Variants in SCFD2 observed in about 807,000 individuals in gnomAD.
The protein encoded by SCFD2 is sec1 family domain-containing protein 2.
A neutral mutation model predicts 58.9 loss-of-function variants in SCFD2; 54 were observed. The ratio of observed to expected loss-of-function variants is 0.92; its 90% confidence interval spans 0.74 to 1.15. The LOEUF (loss-of-function observed/expected upper bound fraction) is 1.15. Ranked by LOEUF, SCFD2 falls within the 50% of genes most tolerant of loss-of-function variation. The pLI is 0.00. For synonymous variants in SCFD2, 321 were observed against 335.9 expected, an observed-to-expected ratio of 0.96 and a Z score of 0.49; for missense variants, 805 against 836.6, an observed-to-expected ratio of 0.96 and a Z score of 0.47.
intron 7 of SCFD2, among the ~76,000 whole-genome samples, chr4:52,886,886 C>A (rs1476235882): frequency 6.6e-6 from 1 of 152,220 alleles, no homozygotes; most frequent in East Asian, 1.9e-4. Context: ...CTTCTTTCTT[C>A]CTTGTTAATC....
At chr4:53,274,253 A>G (rs1731262953) in intron 3 of SCFD2, among the ~76,000 whole-genome samples, 1 of 152,194 alleles carries the variant, frequency 6.6e-6, no homozygotes, top group African/African-American at 2.4e-5. Context: ...TCATGTTGCC[A>G]GTAGAATTCA....
chr4:53,139,409 GC>G (rs1189948566), intron 5 of SCFD2, among the ~76,000 whole-genome samples: 1 of 92,612 alleles, frequency 1.1e-5, no homozygotes, highest in Non-Finnish European at 3.0e-5. Context: ...CCGGCTGCCG[GC>G]CGTCATCCTG....
intron 4 of SCFD2, among the ~76,000 whole-genome samples, chr4:53,218,881 G>C (rs1391988499): frequency 1.3e-5 from 2 of 152,188 alleles, no homozygotes; most frequent in Non-Finnish European, 2.9e-5. Flanking sequence ...ACAGCTGCAG[G>C]TCTGAGTTTG....
At chr4:53,209,134 T>C (rs1728526232) in intron 4 of SCFD2, among the ~76,000 whole-genome samples, 1 of 152,084 alleles carries the variant, frequency 6.6e-6, no homozygotes. Context: ...GGAGGTTACA[T>C]GATAGTAAGG....
intron 8 of SCFD2, among the ~76,000 whole-genome samples, chr4:52,881,664 G>C (rs1718613330): frequency 6.6e-6 from 1 of 152,210 alleles, no homozygotes; most frequent in African/African-American, 2.4e-5. Flanking sequence ...CACAGCAGTA[G>C]AACAGGGAAG....
At chr4:53,000,926 T>C (rs1260207066) in intron 5 of SCFD2, among the ~76,000 whole-genome samples, 2 of 152,072 alleles carry the variant, frequency 1.3e-5, no homozygotes, top group Non-Finnish European at 1.5e-5. Flanking sequence ...GACCCGGGGG[T>C]TTGGGGACCC....
intron 5 of SCFD2, among the ~76,000 whole-genome samples, chr4:53,046,193 G>A (rs1377997161): frequency 2.0e-5 from 3 of 152,034 alleles, no homozygotes; most frequent in African/African-American, 4.8e-5. Flanking sequence ...AGTCAGCAGT[G>A]GCATAAATTA....
intron 6 of SCFD2, among the ~76,000 whole-genome samples, chr4:52,918,740 C>T (rs2109483127): frequency 6.6e-6 from 1 of 152,296 alleles, no homozygotes; most frequent in South Asian, 2.1e-4. Flanking sequence ...GAATGACCTA[C>T]ATGTCCCCTC....
intron 5 of SCFD2, among the ~76,000 whole-genome samples, chr4:52,921,586 A>G (rs1719736215): frequency 6.6e-6 from 1 of 152,178 alleles, no homozygotes; most frequent in Admixed American, 6.5e-5. Context: ...TCGTCACATC[A>G]TCCGTATGAG....
intron 2 of SCFD2, among the ~76,000 whole-genome samples, chr4:53,342,474 T>C (rs111516951): frequency 6.6e-6 from 1 of 152,170 alleles, no homozygotes; most frequent in African/African-American, 2.4e-5. Context: ...CTTAGAGACC[T>C]ACAAAGAGAC....
At chr4:52,883,288 A>C (rs554393914) in intron 8 of SCFD2, among the ~76,000 whole-genome samples, 34 of 152,336 alleles carry the variant, frequency 2.2e-4, no homozygotes, top group African/African-American at 7.9e-4. Flanking sequence ...GACCCGCCAC[A>C]GCATGTGTCA....
intron 7 of SCFD2, among the ~76,000 whole-genome samples, chr4:52,903,877 A>G (rs1719282956): frequency 6.6e-6 from 1 of 152,228 alleles, no homozygotes; most frequent in South Asian, 2.1e-4. Flanking sequence ...GCTAGCATGA[A>G]GAAAAACATT....
intron 5 of SCFD2, among the ~76,000 whole-genome samples, chr4:52,968,679 C>T (rs1022725346): frequency 3.3e-5 from 5 of 152,080 alleles, no homozygotes; most frequent in Admixed American, 2.0e-4. Context: ...CACTGCAAGA[C>T]AGAATTGGAC....
At chr4:52,919,263 T>G (rs1316107550) in intron 6 of SCFD2, among the ~76,000 whole-genome samples, 1 of 152,238 alleles carries the variant, frequency 6.6e-6, no homozygotes, top group Non-Finnish European at 1.5e-5. Context: ...CTTTGCCAAC[T>G]ACACCAGCCA....
intron 4 of SCFD2, among the ~76,000 whole-genome samples, chr4:53,243,918 A>G (rs1309146020): frequency 6.6e-6 from 1 of 152,114 alleles, no homozygotes; most frequent in Non-Finnish European, 1.5e-5. Flanking sequence ...TTTTAAATTT[A>G]TTTACAACTT....
At chr4:53,042,713 C>T (rs977265954) in intron 5 of SCFD2, among the ~76,000 whole-genome samples, 4 of 150,936 alleles carry the variant, frequency 2.7e-5, no homozygotes, top group East Asian at 1.9e-4. Flanking sequence ...TTTTTTTCAG[C>T]GAATTCAGCC....
At chr4:53,027,779 A>C (rs1313927092) in intron 5 of SCFD2, among the ~76,000 whole-genome samples, 1 of 152,116 alleles carries the variant, frequency 6.6e-6, no homozygotes, top group Non-Finnish European at 1.5e-5. Flanking sequence ...AGTGAGCTGC[A>C]TTCAAACCAC....
At chr4:53,222,856 C>A (rs1053545462) in intron 4 of SCFD2, among the ~76,000 whole-genome samples, 1 of 152,150 alleles carries the variant, frequency 6.6e-6, no homozygotes, top group African/African-American at 2.4e-5. Flanking sequence ...ATAACTTCAG[C>A]TTTATGCATT....
At position 53,224,036 on chromosome 4, in the gene SCFD2, T is replaced by C. The variant is rs552001532; in HGVS notation, c.1311+49790A>G. On this transcript the variant is annotated intron_variant, in intron 4 of 8. Coordinates refer to ENST00000401642, the MANE Select transcript of SCFD2 (RefSeq NM_152540.4). The stretch of plus-strand genomic sequence containing the variant: ...TTCCCTTCATTCTGGGCTAGTCAAT[T>C]AAGTTCCTTCATTCTAGCTAGTCAA... 3.3e-5 allele frequency among the ~76,000 whole-genome samples: 5 copies of C among 152,242 alleles called. No individual in the cohort carries two copies. In the South Asian group the frequency reaches 1.0e-3, roughly 32 times the overall value.
Sources: allele counts gnomAD v4.1 joint callset (sites outside exome capture counted in the v4.1 genomes callset), GRCh38; gene constraint gnomAD v4.1.1; transcripts MANE v1.5; gene names NCBI Gene and HGNC (gene_info 2026-07-23, HGNC 2026-07-21).